The following ZNF609 variants were observed in gnomAD, a reference collection of about 807,000 sequenced individuals.
ZNF609 encodes zinc finger protein 609.
A neutral mutation model predicts 109.5 loss-of-function variants in ZNF609; 11 were observed. The observed-to-expected ratio is 0.10, with a 90% confidence interval of 0.06 to 0.17. The LOEUF (loss-of-function observed/expected upper bound fraction) is 0.17, where lower values mean the gene tolerates loss of function less well. Among genes scored for constraint, ZNF609 ranks in the 10% least tolerant of loss-of-function variants. The pLI is 1.00. For missense variants in ZNF609, 1,559 were observed against 1,772.4 expected (o/e 0.88, Z 2.16); for synonymous variants, 646 against 662.0 (o/e 0.98, Z 0.37).
At chr15:64,459,860 G>T (rs1162736861), upstream of ZNF609, among the ~76,000 whole-genome samples, 1 of 152,180 alleles carries the variant, frequency 6.6e-6, no homozygotes, top group Non-Finnish European at 1.5e-5. Flanking sequence ...GGCAATCAGA[G>T]ATGAATAGCA....
Position 64,682,336 on chromosome 15 carries a change from G to GT in ZNF609, c.*650_*651insT, listed in dbSNP as rs1234878504. ...ATATAAACGCTCACAACCTAGCCTGGAAAGGAAGACCAAGGCATCTGCCCC... is the reference window on the plus strand; with the variant it reads ...ATATAAACGCTCACAACCTAGCCTGGTAAAGGAAGACCAAGGCATCTGCCCC... On this transcript the variant is annotated 3_prime_UTR_variant, in exon 10 of 10. Coordinates refer to ENST00000326648, the MANE Select transcript of ZNF609 (RefSeq NM_015042.2). 1 of 152,700 alleles carries GT rather than the reference G, an allele frequency of 6.5e-6. No homozygotes were observed. The highest frequency in any genetic ancestry group is 1.5e-5 in the Non-Finnish European group (1 of 68,062). The allele number at this position is 152,700 out of a possible 1,614,324, so 9.5% of individuals were successfully genotyped here.
chr15:64,617,932 A>G (rs1393682975), intron 2 of ZNF609, among the ~76,000 whole-genome samples: 2 of 152,224 alleles, frequency 1.3e-5, no homozygotes, highest in Admixed American at 6.5e-5. Flanking sequence ...CCTAGGAGCC[A>G]TGATGGCACT....
chr15:64,465,954 A>G (rs935473699), intron 1 of ZNF609, among the ~76,000 whole-genome samples: 1 of 151,708 alleles, frequency 6.6e-6, no homozygotes, highest in Non-Finnish European at 1.5e-5. Context: ...CATCTCTACT[A>G]ATAATACAAA....
intron 2 of ZNF609, among the ~76,000 whole-genome samples, chr15:64,594,798 G>T (rs1233607153): frequency 6.9e-6 from 1 of 144,354 alleles, no homozygotes; most frequent in Non-Finnish European, 1.5e-5. Context: ...AGGCCAAGGC[G>T]GGTGGATCAT....
chr15:64,622,889 C>A lies in ZNF609; in HGVS notation c.810C>A (p.Asn270Lys), dbSNP rs756848512. 2 of 1,614,100 alleles carry A rather than the reference C, an allele frequency of 1.2e-6. No individual in the cohort carries two copies. Among genetic ancestry groups the A allele is most frequent in the African/African-American group, 2.7e-5 (2 of 74,960 alleles). The change falls in exon 3 of 10, where the codon AAC becomes AAA. Residue 270 changes from asparagine (N) to lysine (K), a missense_variant. Transcript: ENST00000326648. ...TACACCTTTTGGTGCCAGTGGTCAA[C>A]AATGACATCTCATCTCCCTGTGAGC... ...LPIHLLVPVV[N>K]NDISSPCEQI...
chr15:64,642,134 T>C (rs1896269430), intron 3 of ZNF609, among the ~76,000 whole-genome samples: 3 of 152,146 alleles, frequency 2.0e-5, no homozygotes, highest in Admixed American at 2.0e-4. Context: ...TCTCTAATAA[T>C]TTGCATTGCA....
At chr15:64,503,090 CTA>C (rs1040447304) in intron 2 of ZNF609, 1 of 151,068 alleles carries the variant, frequency 6.6e-6, no homozygotes, top group Non-Finnish European at 1.5e-5. Context: ...GAGAAATTAT[CTA>C]TCTCATGTTC....
At chr15:64,622,334 A>G (rs1895888740) in intron 2 of ZNF609, among the ~76,000 whole-genome samples, 1 of 152,100 alleles carries the variant, frequency 6.6e-6, no homozygotes, top group Non-Finnish European at 1.5e-5. Flanking sequence ...TCCTCTCTTT[A>G]TCCCCACCCA....
rs538954402 is a variant in ZNF609 at position 64,668,952 on chromosome 15, CAAAAAAAAAAAAAAA to C, written c.974-1383_974-1369del. 8.6e-5 allele frequency among the ~76,000 whole-genome samples: 3 copies of C among 34,982 alleles called. No individual in the cohort carries two copies. In the Admixed American group the frequency reaches 9.6e-4, roughly 11 times the overall value. 22.9% of individuals were successfully genotyped at this position (34,982 alleles called of 152,430 possible). ...GGGCAACAAGAGCGAAACTCCGTCT[CAAAAAAAAAAAAAAA>C]AAAAAAAAAAGGAATTAAAATGCCA... is the stretch of plus-strand genomic sequence containing the variant. On this transcript the variant is annotated intron_variant, in intron 3 of 9. Transcript: ENST00000326648.
intron 2 of ZNF609, among the ~76,000 whole-genome samples, chr15:64,570,306 CT>C (rs1894840836): frequency 6.6e-6 from 1 of 152,194 alleles, no homozygotes; most frequent in African/African-American, 2.4e-5. Context: ...ACTATACTAC[CT>C]CTCATTATAT....
chr15:64,586,326 C>CAAA (rs1206630683), intron 2 of ZNF609, among the ~76,000 whole-genome samples: 1 of 92,894 alleles, frequency 1.1e-5, no homozygotes, highest in Non-Finnish European at 2.4e-5. Flanking sequence ...AACTCGGTCT[C>CAAA]AAAAAAAAAA....
chr15:64,553,780 A>G (rs1017456505), intron 2 of ZNF609, among the ~76,000 whole-genome samples: 1 of 151,684 alleles, frequency 6.6e-6, no homozygotes, highest in Non-Finnish European at 1.5e-5. Context: ...TTGTATTTTT[A>G]GTAGAGACGG....
chr15:64,675,797 C>G lies in ZNF609; in HGVS notation c.2943C>G (p.Pro981=). 6.2e-7 allele frequency: 1 copy of G among 1,614,174 alleles called. No homozygotes were observed. Among genetic ancestry groups the G allele is most frequent in the South Asian group, 1.1e-5 (1 of 91,070 alleles). Reference sequence around the variant, plus strand: ...ACTACAACCAGTATGCCTATGTACCCCCCTATGGCTACAGCGACCAGAGTT... The same window carrying G: ...ACTACAACCAGTATGCCTATGTACCGCCCTATGGCTACAGCGACCAGAGTT... ...SLYYNQYAYV[P]PYGYSDQSYH... The change falls in exon 5 of 10, where the codon CCC becomes CCG. Residue 981 remains proline, a synonymous_variant. Coordinates refer to ENST00000326648, the MANE Select transcript of ZNF609 (RefSeq NM_015042.2).
intron 2 of ZNF609, among the ~76,000 whole-genome samples, chr15:64,580,286 A>G (rs1464009162): frequency 3.5e-4 from 53 of 152,214 alleles, no homozygotes; most frequent in Admixed American, 3.5e-3. Flanking sequence ...TTTAGTTCAG[A>G]GAGAACCATT....
In ZNF609 at chr15:64,674,273, C is replaced by T. The variant is rs751186228; in HGVS notation, c.1419C>T (p.Gly473=). 1 of 1,614,188 alleles carries T rather than the reference C, an allele frequency of 6.2e-7. No homozygotes were observed. Among genetic ancestry groups the T allele is most frequent in the Non-Finnish European group, 8.5e-7 (1 of 1,180,036 alleles). The stretch of plus-strand genomic sequence containing the variant: ...CTAATTCCATGGGCTCAGCCACTGG[C>T]CCCCTTCCTGGGACAAAGGTAGAAC... The part of the protein sequence containing the change: ...VRTNSMGSAT[G]PLPGTKVEPT... The change falls in exon 5 of 10, where the codon GGC becomes GGT. Residue 473 remains glycine (G), a synonymous_variant. Transcript: ENST00000326648.
intron 1 of ZNF609, among the ~76,000 whole-genome samples, chr15:64,481,768 G>T (rs1433762799): frequency 6.6e-6 from 1 of 152,074 alleles, no homozygotes; most frequent in African/African-American, 2.4e-5. Flanking sequence ...GATTAGGTAA[G>T]AGATTTTGTG....
chr15:64,471,480 A>T (rs1208063656), intron 1 of ZNF609: 1 of 152,196 alleles, frequency 6.6e-6, no homozygotes, highest in East Asian at 1.9e-4. Flanking sequence ...CATCTATAGC[A>T]CATTACTAAT....
intron 2 of ZNF609, among the ~76,000 whole-genome samples, chr15:64,609,080 C>G (rs189196390): frequency 9.5e-4 from 38 of 40,004 alleles, no homozygotes; most frequent in African/African-American, 2.3e-3. Context: ...TTCTTTCTTT[C>G]TTTCTTTCTT....
intron 3 of ZNF609, among the ~76,000 whole-genome samples, chr15:64,669,301 A>G (rs993533711): frequency 6.6e-6 from 1 of 152,256 alleles, no homozygotes; most frequent in Non-Finnish European, 1.5e-5. Context: ...ATAGCAGAAG[A>G]TTGAAACAAC....
Sources: gnomAD v4.1 joint callset for allele counts (sites outside exome capture counted in the v4.1 genomes callset) on GRCh38, gnomAD v4.1.1 for gene constraint, MANE v1.5 for transcripts, NCBI Gene and HGNC (gene_info 2026-07-23, HGNC 2026-07-21) for gene names.